Variants in ARHGAP42 observed in about 807,000 individuals in gnomAD.
ARHGAP42 encodes the protein rho GTPase-activating protein 42.
Under a neutral mutation model 125.0 loss-of-function variants are expected in ARHGAP42, and 63 were observed. That is an observed-to-expected ratio of 0.50 (90% CI 0.41 to 0.62). The LOEUF is 0.62. ARHGAP42 is among the 20% of genes least tolerant of loss of function. The pLI is 0.00. For synonymous variants in ARHGAP42, 339 were observed against 351.0 expected (o/e 0.97, Z 0.38); for missense variants, 766 against 1,024.2 (o/e 0.75, Z 3.44).
At chr11:100,775,757 AG>A (rs1863103630) in intron 2 of ARHGAP42, among the ~76,000 whole-genome samples, 1 of 152,226 alleles carries the variant, frequency 6.6e-6, no homozygotes, top group African/African-American at 2.4e-5. Flanking sequence ...ACCACACCAA[AG>A]CTGGAGTATG....
intron 6 of ARHGAP42, among the ~76,000 whole-genome samples, chr11:100,923,122 T>C (rs139278375): frequency 3.3e-4 from 51 of 152,294 alleles, no homozygotes; most frequent in African/African-American, 1.2e-3. Context: ...CATTTCCTAT[T>C]CTAGGAAGAT....
chr11:100,866,487 A>G (rs548947636), intron 4 of ARHGAP42, among the ~76,000 whole-genome samples: 15 of 152,330 alleles, frequency 9.8e-5, no homozygotes, highest in African/African-American at 2.4e-4. Context: ...TCCCACTGCT[A>G]TGAGTAACTA....
At chr11:100,848,641 T>A (rs773360011) in intron 3 of ARHGAP42, among the ~76,000 whole-genome samples, 1 of 151,926 alleles carries the variant, frequency 6.6e-6, no homozygotes, top group Non-Finnish European at 1.5e-5. Flanking sequence ...GTAGCTGGGA[T>A]TACAGGTGTG....
At position 100,965,689 on chromosome 11, in the gene ARHGAP42, A is replaced by G. The variant is rs1247326927; in HGVS notation, c.1463A>G (p.Tyr488Cys). The G allele has an allele frequency of 3.2e-6, 5 of 1,550,554 alleles. No homozygotes were observed. In the East Asian group the frequency reaches 1.2e-4, roughly 38 times the overall value. ...IIAVKSDDQN[Y>C]RVEAVHALVH... Reference sequence around the variant, plus strand: ...GTAACAGAATCTGATGATCAAAACTACAGGGTGGAGGCTGTACATGCATTG... The same window carrying G: ...GTAACAGAATCTGATGATCAAAACTGCAGGGTGGAGGCTGTACATGCATTG... The change falls in exon 17 of 24, where the codon TAC becomes TGC. Residue 488 changes from tyrosine to cysteine, a missense_variant. By Grantham distance (194) the Tyr-to-Cys change is radical. This residue lies in a region of ARHGAP42 where 455 missense variants were observed against 636.5 expected (regional missense o/e 0.71). Coordinates refer to ENST00000298815, the MANE Select transcript of ARHGAP42 (RefSeq NM_152432.4).
rs1767132237 is a variant in ARHGAP42 at position 100,988,978 on chromosome 11, G to A, written c.*177G>A. The A allele has an allele frequency of 4.1e-6, 2 of 491,408 alleles. No individual in the cohort carries two copies. Among genetic ancestry groups the A allele is most frequent in the South Asian group, 4.6e-5 (1 of 21,918 alleles). The allele number at this position is 491,408 out of a possible 1,614,324, so 30.4% of individuals were successfully genotyped here. Reference sequence around the variant, plus strand: ...ATTAATGGAAAAAAAGATTTAAATTGTTGGCCATTCTTTTTTGGTTGGTTT... The same window carrying A: ...ATTAATGGAAAAAAAGATTTAAATTATTGGCCATTCTTTTTTGGTTGGTTT... On this transcript the variant is annotated 3_prime_UTR_variant, in exon 24 of 24. Coordinates refer to ENST00000298815, the MANE Select transcript of ARHGAP42 (RefSeq NM_152432.4).
intron 3 of ARHGAP42, among the ~76,000 whole-genome samples, chr11:100,818,753 T>C (rs1206456398): frequency 2.6e-5 from 4 of 152,188 alleles, no homozygotes; most frequent in Admixed American, 6.5e-5. Flanking sequence ...ATTTTTTCTC[T>C]GTTTTTGTTT....
At chr11:100,822,781 A>G (rs1031452675) in intron 3 of ARHGAP42, among the ~76,000 whole-genome samples, 1 of 152,162 alleles carries the variant, frequency 6.6e-6, no homozygotes, top group Non-Finnish European at 1.5e-5. Context: ...GCAGTTCACA[A>G]AGGTAATTAC....
intron 1 of ARHGAP42, among the ~76,000 whole-genome samples, chr11:100,740,052 G>A (rs979997663): frequency 6.7e-6 from 1 of 150,066 alleles, no homozygotes; most frequent in Non-Finnish European, 1.5e-5. Flanking sequence ...GCAAGTTAAA[G>A]GGTTATTAGT....
chr11:100,830,719 T>C (rs1864644491), intron 3 of ARHGAP42, among the ~76,000 whole-genome samples: 1 of 152,098 alleles, frequency 6.6e-6, no homozygotes, highest in South Asian at 2.1e-4. Context: ...CAATTATCTA[T>C]TTGGTTTAGT....
At chr11:100,835,020 G>T (rs1864753044) in intron 3 of ARHGAP42, among the ~76,000 whole-genome samples, 1 of 151,960 alleles carries the variant, frequency 6.6e-6, no homozygotes, top group African/African-American at 2.4e-5. Context: ...CTTCATCTGA[G>T]TGAAATAATG....
chr11:100,899,295 G>T (rs191864356), intron 4 of ARHGAP42, among the ~76,000 whole-genome samples: 4 of 152,290 alleles, frequency 2.6e-5, no homozygotes, highest in Middle Eastern at 3.4e-3. Context: ...GTGCAATCTG[G>T]TGCTGAGAAG....
chr11:100,712,961 A>G (rs534991777), intron 1 of ARHGAP42, among the ~76,000 whole-genome samples: 13 of 152,180 alleles, frequency 8.5e-5, no homozygotes, highest in Admixed American at 2.0e-4. Context: ...GCCTCTTTTC[A>G]TTCCTTTAGA....
chr11:100,722,473 C>T (rs1375922148), intron 1 of ARHGAP42, among the ~76,000 whole-genome samples: 2 of 151,380 alleles, frequency 1.3e-5, no homozygotes, highest in African/African-American at 4.9e-5. Flanking sequence ...TCACTACAAC[C>T]TGCACCTCCC....
chr11:100,770,440 T>C lies in ARHGAP42; in HGVS notation c.250+2T>C. 1 of 1,532,904 alleles carries C rather than the reference T, an allele frequency of 6.5e-7. No homozygotes were observed. 95.0% of individuals were successfully genotyped at this position (1,532,904 alleles called of 1,614,324 possible). A position where few individuals can be genotyped will look rare whatever the true frequency, so the allele number is the denominator to read the frequency against. On this transcript the variant is annotated splice_donor_variant, in intron 2 of 23. Transcript: ENST00000298815. LOFTEE classifies it high-confidence loss of function. The stretch of plus-strand genomic sequence containing the variant: ...AAACAGATGATGAAATTAGTATTGG[T>C]AAGTACTACTGTTTTAGAAAGTTCT...
At chr11:100,973,139 A>G (rs1320232502) in intron 17 of ARHGAP42, 36 bp from the exon 18 acceptor site, 1 of 1,473,672 alleles carries the variant, frequency 6.8e-7, no homozygotes, top group Non-Finnish European at 9.1e-7. Flanking sequence ...TTTGAAACAT[A>G]TAACTTAAGA....
At chr11:100,878,076 G>A (rs1295040906) in intron 4 of ARHGAP42, among the ~76,000 whole-genome samples, 4 of 151,038 alleles carry the variant, frequency 2.6e-5, no homozygotes, top group Non-Finnish European at 5.9e-5. Flanking sequence ...TATGAATATG[G>A]GAATGCCTGG....
intron 3 of ARHGAP42, among the ~76,000 whole-genome samples, chr11:100,811,109 C>T (rs950603660): frequency 2.0e-5 from 3 of 152,112 alleles, no homozygotes; most frequent in African/African-American, 7.2e-5. Flanking sequence ...GCATGCGCCA[C>T]CACGCCCAGC....
intron 17 of ARHGAP42, among the ~76,000 whole-genome samples, chr11:100,972,953 TA>T (rs1184291779): frequency 2.0e-5 from 3 of 152,176 alleles, no homozygotes; most frequent in Admixed American, 6.5e-5. Flanking sequence ...TTTTCTTTAA[TA>T]GATTTTGTTT....
intron 3 of ARHGAP42, among the ~76,000 whole-genome samples, chr11:100,805,900 G>A (rs1460376732): frequency 6.6e-6 from 1 of 152,128 alleles, no homozygotes; most frequent in Non-Finnish European, 1.5e-5. Context: ...GTTTTGGCTG[G>A]TTTCTTTACT....
Sources: allele counts gnomAD v4.1 joint callset (sites outside exome capture counted in the v4.1 genomes callset), GRCh38; gene constraint gnomAD v4.1.1; regional missense constraint gnomAD v4.1.1; transcripts MANE v1.5; gene names NCBI Gene and HGNC (gene_info 2026-07-23, HGNC 2026-07-21).